PDCD11: variants seen among roughly 807,000 people sequenced by gnomAD.
PDCD11 encodes programmed cell death 11.
Under a neutral mutation model 198.9 loss-of-function variants are expected in PDCD11, and 97 were observed. The observed-to-expected ratio is 0.49, with a 90% CI of 0.41 to 0.58. The LOEUF (loss-of-function observed/expected upper bound fraction) is 0.58, where lower values mean the gene tolerates loss of function less well. Among genes scored for constraint, PDCD11 ranks in the 20% least tolerant of loss-of-function variants. The pLI is 0.00. For synonymous variants in PDCD11, 893 were observed against 918.0 expected (o/e 0.97, Z 0.49); for missense variants, 2,102 against 2,312.7 (o/e 0.91, Z 1.87).
chr10:103,396,835 C>T (rs963824822), intron 1 of PDCD11, 105 bp downstream of exon 1: 2 of 152,338 alleles, frequency 1.3e-5, no homozygotes, highest in African/African-American at 4.8e-5. Context: ...GGTTCGGCCA[C>T]CTTAGCCCCG....
intron 8 of PDCD11, among the ~76,000 whole-genome samples, chr10:103,412,430 C>T (rs978117259): frequency 9.2e-5 from 14 of 152,096 alleles, no homozygotes; most frequent in Non-Finnish European, 1.5e-4. Flanking sequence ...AAGCGATTCT[C>T]CTGCTTGAGC....
intron 9 of PDCD11, 56 bp from the exon 10 acceptor site, chr10:103,413,910 T>A: frequency 6.5e-7 from 1 of 1,527,918 alleles, no homozygotes; most frequent in South Asian, 1.3e-5. Flanking sequence ...CTGTAAGGTC[T>A]CATTGGCTCA....
rs571881031 is a variant in PDCD11, at chr10:103,413,214, C to G, written c.1077C>G (p.Leu359=). The G allele has an allele frequency of 6.2e-7, 1 of 1,614,188 alleles. No individual in the cohort carries two copies. Among genetic ancestry groups the G allele is most frequent in the African/African-American group, 1.3e-5 (1 of 75,056 alleles). Residue 359 remains leucine (L), a synonymous_variant, in exon 9 of 36, where the codon CTC becomes CTG. Coordinates refer to ENST00000369797, the MANE Select transcript of PDCD11 (RefSeq NM_014976.2). ...FLQPGRPLTR[L]SCQNLGAVLD... is the part of the protein sequence containing the mutation. ...AGCCTGGACGCCCACTCACCCGACT[C>G]TCTTGCCAGAACCTTGGAGCAGTGC... is the stretch of plus-strand genomic sequence containing the variant.
Position 103,445,622 on chromosome 10 carries a change from G to A in PDCD11, c.*73G>A. On this transcript the variant is annotated 3_prime_UTR_variant, in exon 36 of 36. Transcript: ENST00000369797. ...CCCGCCTCGAGTGCCTGGGCACTCG[G>A]AAAACTGTTACCTCAGGACTCTATT... The A allele has an allele frequency of 7.7e-7, 1 of 1,296,072 alleles. No individual in the cohort carries two copies. Among genetic ancestry groups the A allele is most frequent in the African/African-American group, 1.5e-5 (1 of 67,762 alleles). The allele number at this position is 1,296,072 out of a possible 1,614,324, so 80.3% of individuals were successfully genotyped here. A position where few individuals can be genotyped will look rare whatever the true frequency, so the allele number is the denominator to read the frequency against.
Position 103,398,532 on chromosome 10 carries a change from A to T in PDCD11, c.102+4A>T. ...TGAACAAGACAACTTATTTGATGTA[A>T]GTAGTATGCTTGTTTGGTGACACTC... On this transcript the variant is annotated splice_donor_region_variant and intron_variant, in intron 2 of 35. Coordinates refer to ENST00000369797, the MANE Select transcript of PDCD11 (RefSeq NM_014976.2). 2 of 1,579,238 alleles carry T rather than the reference A, an allele frequency of 1.3e-6. No homozygotes were observed. Among genetic ancestry groups the T allele is most frequent in the Non-Finnish European group, 1.7e-6 (2 of 1,148,192 alleles).
At chr10:103,415,452 G>T (rs2031052483) in intron 12 of PDCD11, among the ~76,000 whole-genome samples, 1 of 152,260 alleles carries the variant, frequency 6.6e-6, no homozygotes, top group Admixed American at 6.5e-5. Context: ...GGAGCAGCCA[G>T]AATTGTTGAC....
chr10:103,422,288 C>T (rs1480671807), intron 17 of PDCD11, among the ~76,000 whole-genome samples: 1 of 151,578 alleles, frequency 6.6e-6, no homozygotes, highest in African/African-American at 2.4e-5. Flanking sequence ...GCCATGTTGG[C>T]CAGGCTGGTC....
In PDCD11 at chr10:103,432,132, G is replaced by A. The variant is rs139477366; in HGVS notation, c.3372G>A (p.Glu1124=). The A allele has an allele frequency of 8.1e-6, 13 of 1,611,178 alleles. No homozygotes were observed. Among genetic ancestry groups the A allele is most frequent in the Non-Finnish European group, 1.1e-5 (13 of 1,177,410 alleles). The change falls in exon 22 of 36, where the codon GAG becomes GAA. Residue 1124 remains glutamate, a synonymous_variant. Coordinates refer to ENST00000369797, the MANE Select transcript of PDCD11 (RefSeq NM_014976.2). ...TIPELSVRPS[E]LEDGHTALNT... is the part of the protein sequence containing the mutation. The stretch of plus-strand genomic sequence containing the variant: ...TACATTTCCTTTCTGCAAACAGTGA[G>A]CTGGAGGATGGCCACACTGCTCTTA...
chr10:103,427,110 G>GA (rs59511408), intron 20 of PDCD11, among the ~76,000 whole-genome samples: 107 of 144,098 alleles, frequency 7.4e-4, no homozygotes, highest in Middle Eastern at 3.6e-3. Context: ...CCTTGTCCCA[G>GA]AAAAAAAAAA....
chr10:103,424,975 C>G lies in PDCD11; in HGVS notation c.2764-9C>G. The G allele has an allele frequency of 6.2e-7, 1 of 1,612,950 alleles. No homozygotes were observed. The highest frequency in any genetic ancestry group is 1.1e-5 in the South Asian group (1 of 91,026). On this transcript the variant is annotated splice_polypyrimidine_tract_variant and intron_variant, in intron 19 of 35. Transcript: ENST00000369797. ...GGAAAGCAGGGATGGTGGCTTTTCTCTCTTCTAGCTGAGGAAAGGCAGCGA... is the reference window on the plus strand; with the variant it reads ...GGAAAGCAGGGATGGTGGCTTTTCTGTCTTCTAGCTGAGGAAAGGCAGCGA...
In PDCD11 at chr10:103,405,086, T is replaced by C. The variant is rs1252347564; in HGVS notation, c.467T>C (p.Leu156Pro). 4 of 1,614,050 alleles carry C rather than the reference T, an allele frequency of 2.5e-6. No individual in the cohort carries two copies. In the African/African-American group the frequency reaches 5.3e-5, roughly 22 times the overall value. Reference sequence around the variant, plus strand: ...CTGGTAAGATGTGTGGTGAGCAGTCTGGGCATCACAGACAGGGGCAAGAAG... The same window carrying C: ...CTGGTAAGATGTGTGGTGAGCAGTCCGGGCATCACAGACAGGGGCAAGAAG... ...GMLVRCVVSSLGITDRGKKSV... is the reference protein window; with the variant it reads ...GMLVRCVVSSPGITDRGKKSV... Residue 156 changes from leucine (L) to proline (P), a missense_variant, in exon 5 of 36, where the codon CTG (leucine) becomes CCG (proline). By Grantham distance (98) the Leu-to-Pro change is moderately conservative (BLOSUM62 -3). Transcript: ENST00000369797.
At chr10:103,408,624 T>C (rs2030606014) in intron 7 of PDCD11, among the ~76,000 whole-genome samples, 1 of 152,142 alleles carries the variant, frequency 6.6e-6, no homozygotes, top group African/African-American at 2.4e-5. Flanking sequence ...CATTGCAGCC[T>C]CCACCATCCA....
At chr10:103,424,872 C>A in intron 19 of PDCD11, 112 bp from the exon 20 acceptor site, 1 of 1,254,566 alleles carries the variant, frequency 8.0e-7, no homozygotes, top group Non-Finnish European at 1.1e-6. Context: ...CTTGAGTTCC[C>A]TAGCCTTGGG....
At chr10:103,422,377 G>A (rs1383144106) in intron 17 of PDCD11, among the ~76,000 whole-genome samples, 3 of 151,520 alleles carry the variant, frequency 2.0e-5, no homozygotes, top group East Asian at 3.9e-4. Flanking sequence ...CACTGCGCCC[G>A]GCCAAAGTGC....
In PDCD11 at chr10:103,439,775, G is replaced by A. The variant is rs566217207; in HGVS notation, c.4055G>A (p.Arg1352Gln). ...RLGPSVVGLA[R>Q]YSHVSQHSPS... is the part of the protein sequence containing the mutation. ...GGCCCCTCCGTTGTGGGTTTGGCTCGGTACTCCCATGTCTCCCAGCACAGC... is the reference window on the plus strand; with the variant it reads ...GGCCCCTCCGTTGTGGGTTTGGCTCAGTACTCCCATGTCTCCCAGCACAGC... Residue 1352 changes from arginine (R) to glutamine (Q), a missense_variant, in exon 28 of 36, where the codon CGG becomes CAG. Transcript: ENST00000369797. The A allele has an allele frequency of 4.3e-6, 7 of 1,614,002 alleles. No individual in the cohort carries two copies. In the South Asian group the frequency reaches 5.5e-5, roughly 13 times the overall value.
chr10:103,438,300 G>A (rs1248466792), intron 26 of PDCD11, among the ~76,000 whole-genome samples: 2 of 152,208 alleles, frequency 1.3e-5, no homozygotes, highest in Non-Finnish European at 2.9e-5. Flanking sequence ...AGATGTGGGT[G>A]TCCAAGGTTG....
chr10:103,409,899 C>T (rs1258403804), intron 8 of PDCD11, 93 bp downstream of exon 8: 2 of 872,038 alleles, frequency 2.3e-6, no homozygotes, highest in Admixed American at 1.8e-5. Flanking sequence ...CCTAGGACTG[C>T]ATGCATACAG....
intron 15 of PDCD11, 113 bp from the exon 16 acceptor site, chr10:103,419,425 T>C (rs2031298294): frequency 4.3e-6 from 5 of 1,167,810 alleles, no homozygotes; most frequent in Non-Finnish European, 6.1e-6. Flanking sequence ...AGAGAATCGC[T>C]GTAGCAGCAG....
rs1486912965 is a variant in PDCD11, at chr10:103,414,319, G to A, written c.1360G>A (p.Ala454Thr). The change falls in exon 11 of 36, where the codon GCA (alanine) becomes ACA (threonine). Residue 454 changes from alanine to threonine, a missense_variant. Transcript: ENST00000369797. ...TAGATATCATGACATCGAACCTGGG[G>A]CAGTGGTAAAGGTAAGACCTCAAGC... ...YLRYHDIEPG[A>T]VVKGTVLTIK... 1 of 1,613,118 alleles carries A rather than the reference G, an allele frequency of 6.2e-7. No homozygotes were observed. The highest frequency in any genetic ancestry group is 1.7e-5 in the Admixed American group (1 of 60,018).
Sources: allele counts gnomAD v4.1 joint callset (sites outside exome capture counted in the v4.1 genomes callset), GRCh38; gene constraint gnomAD v4.1.1; transcripts MANE v1.5; gene names NCBI Gene and HGNC (gene_info 2026-07-23, HGNC 2026-07-21).